The following TXNRD2 variants were observed in gnomAD, a reference collection of about 807,000 sequenced individuals.
The protein encoded by TXNRD2 is thioredoxin reductase 2.
In TXNRD2, 67 loss-of-function variants were observed where a neutral mutation model predicts 70.8. That is an observed-to-expected ratio of 0.95 (90% CI 0.78 to 1.16). The LOEUF (loss-of-function observed/expected upper bound fraction) is 1.16, where lower values mean the gene tolerates loss of function less well. Among genes scored for constraint, TXNRD2 ranks in the 50% most tolerant of loss-of-function variants. The probability of loss-of-function intolerance (pLI) is 0.00; values close to 1 mark genes in which losing one functional copy is unlikely to be tolerated. For synonymous variants in TXNRD2, 301 were observed against 295.8 expected, an observed-to-expected ratio of 1.02 and a Z score of -0.18; for missense variants, 644 against 719.9, an observed-to-expected ratio of 0.89 and a Z score of 1.21.
At chr22:19,903,859 T>C (rs1487666245) in intron 8 of TXNRD2, among the ~76,000 whole-genome samples, 2 of 152,164 alleles carry the variant, frequency 1.3e-5, no homozygotes, top group Admixed American at 1.3e-4. Flanking sequence ...TCATTTGGGG[T>C]CACGTGCCCC....
rs369751793 is a variant in TXNRD2 at position 19,930,997 on chromosome 22, G to A, written c.172+33C>T. ...CCTCTCTAGGGGCCCTAAAAGCTTC[G>A]AGGCCTTGCCACGAAGTATACAGAA... On this transcript the variant is annotated intron_variant, in intron 2 of 17. Coordinates refer to ENST00000400521, the MANE Select transcript of TXNRD2 (RefSeq NM_006440.5). 47 of 1,608,028 alleles carry A rather than the reference G, an allele frequency of 2.9e-5. No individual in the cohort carries two copies. The East Asian group carries it at 3.1e-4, about 11-fold the overall frequency.
rs377664019 is a variant in TXNRD2 at position 19,883,331 on chromosome 22, C to T, written c.1080G>A (p.Val360=). 6.8e-6 allele frequency: 11 copies of T among 1,613,696 alleles called. No individual in the cohort carries two copies. Among genetic ancestry groups the T allele is most frequent in the Non-Finnish European group, 8.5e-6 (10 of 1,179,976 alleles). ...CCCGGGACGCATGCCGTACCTCCAC[C>T]ACGTCACCAATGGCGTAGATGTGGG... ...SVPHIYAIGD[V]VEGRPELTPI... The change falls in exon 12 of 18, where the codon GTG becomes GTA. Residue 360 remains valine, a synonymous_variant. Coordinates refer to ENST00000400521, the MANE Select transcript of TXNRD2 (RefSeq NM_006440.5).
chr22:19,892,746 G>A (rs1014963799), intron 11 of TXNRD2, among the ~76,000 whole-genome samples: 6 of 152,120 alleles, frequency 3.9e-5, no homozygotes, highest in Non-Finnish European at 5.9e-5. Flanking sequence ...GCGGTGGGAG[G>A]GAGAAACTCG....
Position 19,918,115 on chromosome 22 carries a change from G to A in TXNRD2, c.449+28C>T, listed in dbSNP as rs771139178. 5.3e-5 allele frequency: 85 copies of A among 1,603,836 alleles called. No individual in the cohort carries two copies. The East Asian group carries it at 6.5e-4, about 12-fold the overall frequency. ...ACGCCCAAGAGAAGGCCCAGAGGGCGGCCCATTCCCGGAGAGAGCTTCAGT... is the reference window on the plus strand; with the variant it reads ...ACGCCCAAGAGAAGGCCCAGAGGGCAGCCCATTCCCGGAGAGAGCTTCAGT... On this transcript the variant is annotated intron_variant, in intron 5 of 17. Coordinates refer to ENST00000400521, the MANE Select transcript of TXNRD2 (RefSeq NM_006440.5).
At chr22:19,882,642 A>G (rs1938832319) in intron 12 of TXNRD2, among the ~76,000 whole-genome samples, 1 of 152,246 alleles carries the variant, frequency 6.6e-6, no homozygotes, top group Non-Finnish European at 1.5e-5. Flanking sequence ...AGAAGCTCTC[A>G]GCGACCCTCC....
intron 8 of TXNRD2, among the ~76,000 whole-genome samples, chr22:19,903,908 G>C (rs1175012238): frequency 6.6e-6 from 1 of 152,216 alleles, no homozygotes; most frequent in Non-Finnish European, 1.5e-5. Flanking sequence ...ATTGTTCCCA[G>C]AGGGGCTCCA....
intron 5 of TXNRD2, among the ~76,000 whole-genome samples, chr22:19,916,642 CTT>C (rs67716689): frequency 1.2e-4 from 15 of 129,194 alleles, no homozygotes; most frequent in Non-Finnish European, 9.8e-5. Context: ...GCGCCCCACC[CTT>C]TTTTTTTTTT....
intron 7 of TXNRD2, among the ~76,000 whole-genome samples, chr22:19,912,352 G>A (rs1233075859): frequency 6.6e-6 from 1 of 152,250 alleles, no homozygotes; most frequent in African/African-American, 2.4e-5. Flanking sequence ...GACACCCTGG[G>A]AGGGCGTGGC....
intron 7 of TXNRD2, among the ~76,000 whole-genome samples, chr22:19,913,178 A>G (rs1940490965): frequency 6.6e-6 from 1 of 152,054 alleles, no homozygotes; most frequent in African/African-American, 2.4e-5. Flanking sequence ...AGACTGGGCC[A>G]GGAGTTATTC....
At chr22:19,913,423 A>C (rs1190520393) in intron 7 of TXNRD2, among the ~76,000 whole-genome samples, 1 of 151,632 alleles carries the variant, frequency 6.6e-6, no homozygotes, top group East Asian at 1.9e-4. Flanking sequence ...GGGGTCTTTC[A>C]AAGCCCCCCC....
intron 11 of TXNRD2, 112 bp from the exon 12 acceptor site, chr22:19,883,573 C>A (rs1353092975): frequency 6.7e-7 from 1 of 1,496,528 alleles, no homozygotes. Flanking sequence ...TGCAGTGGCT[C>A]CTGCCTGTAA....
At chr22:19,887,245 T>C (rs980492635) in intron 11 of TXNRD2, 1 of 152,204 alleles carries the variant, frequency 6.6e-6, no homozygotes, top group Admixed American at 6.5e-5. Flanking sequence ...ACAAGGGCAT[T>C]AAAATTCCAG....
chr22:19,901,695 T>C (rs753583687), intron 8 of TXNRD2, among the ~76,000 whole-genome samples: 4 of 152,060 alleles, frequency 2.6e-5, no homozygotes, highest in Non-Finnish European at 5.9e-5. Flanking sequence ...ATCACAGGGA[T>C]AGAGAGTACC....
chr22:19,915,781 G>A lies in TXNRD2; in HGVS notation c.512C>T (p.Ala171Val), dbSNP rs1388875479. The part of the protein sequence containing the change: ...FVDEHTVCGV[A>V]KGGKEILLSA... ...GATGCTCACCTCTTTCCCACCTTTG[G>A]CAACGCCGCAAACCGTGTGCTCGTC... The change falls in exon 6 of 18, where the codon GCC becomes GTC. Residue 171 changes from alanine to valine, a missense_variant. Physicochemically the swap from Ala to Val is moderately conservative, Grantham distance 64. This residue lies in a region of TXNRD2 where 566 missense variants were observed against 645.0 expected (regional missense o/e 0.88). Coordinates refer to ENST00000400521, the MANE Select transcript of TXNRD2 (RefSeq NM_006440.5). The A allele has an allele frequency of 6.2e-7, 1 of 1,614,070 alleles. No individual in the cohort carries two copies. Among genetic ancestry groups the A allele is most frequent in the African/African-American group, 1.3e-5 (1 of 74,916 alleles).
At chr22:19,916,023 C>A (rs911523963) in intron 5 of TXNRD2, 180 bp from the exon 6 acceptor site, 3 of 618,352 alleles carry the variant, frequency 4.9e-6, no homozygotes, top group South Asian at 3.6e-5. Context: ...GATGTGGGGG[C>A]ACCTCGCCTG....
chr22:19,895,208 T>C (rs1408619235), intron 11 of TXNRD2, 199 bp downstream of exon 11: 7 of 1,597,988 alleles, frequency 4.4e-6, no homozygotes, highest in African/African-American at 1.3e-5. Context: ...GTGCTGGGGA[T>C]GGCAAGATGG....
At chr22:19,881,645 C>T (rs1938786783) in intron 12 of TXNRD2, among the ~76,000 whole-genome samples, 1 of 152,244 alleles carries the variant, frequency 6.6e-6, no homozygotes, top group African/African-American at 2.4e-5. Flanking sequence ...TACACACTTG[C>T]AGAGGGAAAA....
chr22:19,875,633 TG>T lies in TXNRD2; in HGVS notation c.*239del, dbSNP rs59339361. ...TCGTCATCATCTGGCACCAGGAGCC[TG>T]GGGGGGGGTGCCCGGCGGCAGAGGC... On this transcript the variant is annotated 3_prime_UTR_variant, in exon 18 of 18. Transcript: ENST00000400521. 0.29 allele frequency: 43,537 copies of T among 151,008 alleles called. 9,860 individuals carry two copies. The highest frequency in any genetic ancestry group is 0.63 in the African/African-American group (26,106 of 41,300). 9.4% of individuals were successfully genotyped at this position (151,008 alleles called of 1,614,324 possible).
At chr22:19,877,995 G>C in intron 16 of TXNRD2, 95 bp downstream of exon 16, 1 of 1,066,508 alleles carries the variant, frequency 9.4e-7, no homozygotes, top group Non-Finnish European at 1.4e-6. Flanking sequence ...CATAAATGCC[G>C]CAAGAGTGGC....
Sources: gnomAD v4.1 joint callset for allele counts (sites outside exome capture counted in the v4.1 genomes callset) on GRCh38, gnomAD v4.1.1 for gene constraint, gnomAD v4.1.1 regional missense constraint, MANE v1.5 for transcripts, NCBI Gene and HGNC (gene_info 2026-07-23, HGNC 2026-07-21) for gene names.